ACAP3: variants seen among roughly 807,000 people sequenced by gnomAD.
The protein encoded by ACAP3 is arf-GAP with coiled-coil, ANK repeat and PH domain-containing protein 3.
ACAP3 carries 56 observed loss-of-function variants against 104.1 expected under a neutral mutation model. That is an observed-to-expected ratio of 0.54 (90% CI 0.43 to 0.67). The LOEUF is 0.67. ACAP3 is among the 30% of genes least tolerant of loss of function. The probability of loss-of-function intolerance (pLI) is 0.00; values close to 1 mark genes in which losing one functional copy is unlikely to be tolerated. For missense variants in ACAP3, 1,208 were observed against 1,174.9 expected (o/e 1.03, Z -0.41); for synonymous variants, 628 against 496.2 (o/e 1.27, Z -3.53).
At chr1:1,307,525 G>T (rs1014980622) in intron 1 of ACAP3, 5 of 1,139,534 alleles carry the variant, frequency 4.4e-6, no homozygotes, top group Admixed American at 3.0e-5. Context: ...CGGTCCCGAG[G>T]TGCCCACGGC....
At chr1:1,298,490 A>ACCTGAGGACCCCACCCCCG (rs1329311481) in intron 11 of ACAP3, 69 bp from the exon 12 acceptor site, 42 of 831,906 alleles carry the variant, frequency 5.0e-5, no homozygotes, top group Non-Finnish European at 4.5e-5. Context: ...CCCTGCCCCC[A>ACCTGAGGACCCCACCCCCG]CCTGAGGACC....
chr1:1,297,824 C>T lies in ACAP3; in HGVS notation c.1126G>A (p.Glu376Lys), dbSNP rs1029295377. The T allele has an allele frequency of 8.1e-6, 13 of 1,610,882 alleles. No homozygotes were observed. The highest frequency in any genetic ancestry group is 2.7e-5 in the African/African-American group (2 of 74,872). The change falls in exon 14 of 24, where the codon GAG becomes AAG. Residue 376 changes from glutamate to lysine, a missense_variant and splice_region_variant. Glu to Lys is a moderately conservative substitution (Grantham distance 56). Transcript: ENST00000354700. ...YRESPDSCYSERLDRTASPST... is the reference protein window; with the variant it reads ...YRESPDSCYSKRLDRTASPST... ...GGCAGGGGCACCAAGGGCCACACCT[C>T]GCTATAGCAACTGTCAGGGCTCTCG...
In ACAP3 at chr1:1,293,368, C is replaced by G; in HGVS notation, c.*196G>C. 1 of 444,356 alleles carries G rather than the reference C, an allele frequency of 2.3e-6. No homozygotes were observed. The highest frequency in any genetic ancestry group is 3.5e-6 in the Non-Finnish European group (1 of 286,170). 27.5% of individuals were successfully genotyped at this position (444,356 alleles called of 1,614,324 possible). Reference sequence around the variant, plus strand: ...ACGATGCAGCACCCCCCCAGGGAAACGTGAGGCTTCAAGAGACTCAGTGTG... The same window carrying G: ...ACGATGCAGCACCCCCCCAGGGAAAGGTGAGGCTTCAAGAGACTCAGTGTG... On this transcript the variant is annotated 3_prime_UTR_variant, in exon 24 of 24. Transcript: ENST00000354700.
At position 1,303,947 on chromosome 1, in the gene ACAP3, G is replaced by A. The variant is rs1641566906; in HGVS notation, c.105+139C>T. ...CCTGGAACACACATGCTAAGACACA[G>A]GGACCAGGACCTGGAGCACCACACG... is the stretch of plus-strand genomic sequence containing the variant. On this transcript the variant is annotated intron_variant, in intron 2 of 23. Transcript: ENST00000354700. The surrounding 1 kb of genome is among the most constrained non-coding windows in gnomAD (Gnocchi z 4.0). The A allele has an allele frequency of 3.9e-6, 4 of 1,016,900 alleles. No homozygotes were observed. The highest frequency in any genetic ancestry group is 5.8e-6 in the Non-Finnish European group (4 of 692,468). The allele number at this position is 1,016,900 out of a possible 1,614,324, so 63.0% of individuals were successfully genotyped here.
Position 1,295,520 on chromosome 1 carries a change from G to A in ACAP3, c.1740C>T (p.Ser580=), listed in dbSNP as rs1203217872. 13 of 1,612,564 alleles carry A rather than the reference G, an allele frequency of 8.1e-6. No individual in the cohort carries two copies. Among genetic ancestry groups the A allele is most frequent in the Non-Finnish European group, 7.6e-6 (9 of 1,179,912 alleles). ...AGTCCAGCTCGTCGGGACAGAAGAG[G>A]GAGTCTCGGCGGAACTTACGATCCA... ...GTLDRKFRRD[S]LFCPDELDSL... The change falls in exon 19 of 24, where the codon TCC becomes TCT. Residue 580 remains serine, a synonymous_variant. Transcript: ENST00000354700.
intron 1 of ACAP3, 127 bp downstream of exon 1, chr1:1,307,642 G>A (rs998003496): frequency 1.5e-5 from 14 of 963,720 alleles, no homozygotes; most frequent in Non-Finnish European, 1.8e-5. Context: ...GTCCGAGGCC[G>A]GTCCTCCAGC....
chr1:1,293,488 C>T lies in ACAP3; in HGVS notation c.*76G>A. ...CGCGGGTCACACGCAGGGCCGCGGCCGGGTGGGCGCCAGGGACTTCGGGGC... is the reference window on the plus strand; with the variant it reads ...CGCGGGTCACACGCAGGGCCGCGGCTGGGTGGGCGCCAGGGACTTCGGGGC... On this transcript the variant is annotated 3_prime_UTR_variant, in exon 24 of 24. Coordinates refer to ENST00000354700, the MANE Select transcript of ACAP3 (RefSeq NM_030649.3). 2 of 1,323,574 alleles carry T rather than the reference C, an allele frequency of 1.5e-6. No homozygotes were observed. Among genetic ancestry groups the T allele is most frequent in the Non-Finnish European group, 1.9e-6 (2 of 1,040,902 alleles). The allele number at this position is 1,323,574 out of a possible 1,614,324, so 82.0% of individuals were successfully genotyped here.
Position 1,296,743 on chromosome 1 carries a change from G to A in ACAP3, c.1129-110C>T. ...GCCAATGCAGGCCAGGGCCCCTCGAGCACACGCCCGCACACGCACGTACAC... is the reference window on the plus strand; with the variant it reads ...GCCAATGCAGGCCAGGGCCCCTCGAACACACGCCCGCACACGCACGTACAC... On this transcript the variant is annotated intron_variant, in intron 14 of 23. Coordinates refer to ENST00000354700, the MANE Select transcript of ACAP3 (RefSeq NM_030649.3). 1.0e-5 allele frequency: 11 copies of A among 1,082,500 alleles called. No homozygotes were observed. In the South Asian group the frequency reaches 1.6e-4, roughly 16 times the overall value. The allele number at this position is 1,082,500 out of a possible 1,614,324, so 67.1% of individuals were successfully genotyped here. A position where few individuals can be genotyped will look rare whatever the true frequency, so the allele number is the denominator to read the frequency against.
intron 21 of ACAP3, 40 bp from the exon 22 acceptor site, chr1:1,294,239 G>C (rs1325584647): frequency 6.5e-7 from 1 of 1,539,666 alleles, no homozygotes; most frequent in Admixed American, 2.0e-5. Context: ...CACGGCACCG[G>C]CCCCTCTCCG....
At chr1:1,304,359 C>T (rs1009251360) in intron 1 of ACAP3, 35 of 616,684 alleles carry the variant, frequency 5.7e-5, no homozygotes, top group Non-Finnish European at 9.6e-5. Context: ...GAGGCAGCCG[C>T]TGCTGTGCCC....
Position 1,295,757 on chromosome 1 carries a change from A to C in ACAP3, c.1684T>G (p.Cys562Gly). 6.2e-7 allele frequency: 1 copy of C among 1,605,502 alleles called. No homozygotes were observed. The highest frequency in any genetic ancestry group is 8.5e-7 in the Non-Finnish European group (1 of 1,178,286). ...CCACCTGAGGACAGAGCGGCCACAC[A>C]GGGCAGAACGGGCTCAAGCCGGACC... ...RKVRLEPVLP[C>G]VAALSSVGTL... is the part of the protein sequence containing the mutation. The change falls in exon 18 of 24, where the codon TGT (cysteine) becomes GGT (glycine). Residue 562 changes from cysteine to glycine, a missense_variant. By Grantham distance (159) the Cys-to-Gly change is radical. Transcript: ENST00000354700.
intron 12 of ACAP3, 126 bp from the exon 13 acceptor site, chr1:1,298,239 G>T: frequency 1.3e-6 from 2 of 1,578,932 alleles, no homozygotes; most frequent in Non-Finnish European, 1.7e-6. Flanking sequence ...CCAGCTCTCT[G>T]CTCCCTGACT....
intron 19 of ACAP3, 133 bp downstream of exon 19, chr1:1,295,314 G>A (rs561122035): frequency 5.3e-6 from 4 of 752,890 alleles, no homozygotes; most frequent in East Asian, 5.4e-5. Context: ...GCCTCCAGCT[G>A]TGTGGCCAGG....
intron 1 of ACAP3, among the ~76,000 whole-genome samples, chr1:1,306,335 G>A (rs1039689804): frequency 2.7e-5 from 4 of 150,830 alleles, no homozygotes; most frequent in South Asian, 4.1e-4. Context: ...TGACGGAGGG[G>A]CCAGGGAGAA....
At chr1:1,294,665 G>A (rs1415536956) in intron 20 of ACAP3, 37 bp from the exon 21 acceptor site, 1 of 1,540,038 alleles carries the variant, frequency 6.5e-7, no homozygotes. Context: ...GCAACCCCCG[G>A]GGCTGCCCAG....
intron 1 of ACAP3, chr1:1,304,349 G>A: frequency 1.6e-6 from 1 of 617,368 alleles, no homozygotes; most frequent in Non-Finnish European, 2.7e-6. Context: ...CAGGCAGGCA[G>A]AGGCAGCCGC....
chr1:1,302,107 G>GC, intron 4 of ACAP3, 61 bp from the exon 5 acceptor site: 1 of 1,364,854 alleles, frequency 7.3e-7, no homozygotes, highest in African/African-American at 1.5e-5. Flanking sequence ...CAGATGGAAG[G>GC]CCCCATCCTC....
At chr1:1,304,296 A>T (rs1216600367) in intron 1 of ACAP3, 153 bp from the exon 2 acceptor site, 9 of 927,436 alleles carry the variant, frequency 9.7e-6, no homozygotes, top group South Asian at 9.6e-5. Flanking sequence ...CGGGGGCAGG[A>T]CTGGGACCAG....
chr1:1,306,648 G>C (rs1165802751), intron 1 of ACAP3, among the ~76,000 whole-genome samples: 2 of 152,208 alleles, frequency 1.3e-5, no homozygotes. Context: ...CAGATCCCAA[G>C]AGACCCAGCG....
Sources: allele counts gnomAD v4.1 joint callset (sites outside exome capture counted in the v4.1 genomes callset), GRCh38; gene constraint gnomAD v4.1.1; non-coding constraint Gnocchi (gnomAD v3.1); transcripts MANE v1.5; gene names NCBI Gene and HGNC (gene_info 2026-07-23, HGNC 2026-07-21).